Variants in MANBAL observed in about 807,000 individuals in gnomAD.
MANBAL encodes the protein protein MANBAL.
In MANBAL, 1 loss-of-function variant was observed where a neutral mutation model predicts 6.4. The ratio of observed to expected loss-of-function variants is 0.16; its 90% CI spans 0.06 to 0.74. MANBAL has a LOEUF of 0.74. Among genes scored for constraint, MANBAL ranks in the 30% least tolerant of loss-of-function variants. The pLI is 0.78. For synonymous variants in MANBAL, 47 were observed against 45.8 expected (o/e 1.03, Z -0.10); for missense variants, 100 against 107.8 (o/e 0.93, Z 0.32).
rs879309265 is a variant in MANBAL, at chr20:37,301,076, G to A, written c.-56-132G>A. The A allele has an allele frequency of 1.9e-5, 8 of 414,632 alleles. No individual in the cohort carries two copies. In the Admixed American group the frequency reaches 1.9e-4, roughly 10 times the overall value. 25.7% of individuals were successfully genotyped at this position (414,632 alleles called of 1,614,324 possible). Reference sequence around the variant, plus strand: ...GAGAATCACTTGAACCCAGGAGGCCGAAGTTGCAGTGATCATGCCATTGCA... The same window carrying A: ...GAGAATCACTTGAACCCAGGAGGCCAAAGTTGCAGTGATCATGCCATTGCA... On this transcript the variant is annotated intron_variant, in intron 1 of 2. Transcript: ENST00000373606.
intron 2 of MANBAL, 130 bp from the exon 3 acceptor site, chr20:37,316,178 G>A: frequency 1.2e-6 from 1 of 821,458 alleles, no homozygotes. Flanking sequence ...GTGGGTGGTA[G>A]GTCCCGGGAA....
rs1400390692 is a variant in MANBAL, at chr20:37,316,372, C to T, written c.215C>T (p.Ser72Phe). The T allele has an allele frequency of 1.9e-6, 3 of 1,613,812 alleles. No homozygotes were observed. In the African/African-American group the frequency reaches 4.0e-5, roughly 22 times the overall value. ...VTRKPKAAVPSVNKRPKKETK... is the reference protein window; with the variant it reads ...VTRKPKAAVPFVNKRPKKETK... Reference sequence around the variant, plus strand: ...AGGAAGCCCAAGGCTGCTGTTCCTTCTGTGAACAAGAGGCCCAAGAAAGAG... The same window carrying T: ...AGGAAGCCCAAGGCTGCTGTTCCTTTTGTGAACAAGAGGCCCAAGAAAGAG... The change falls in exon 3 of 3, where the codon TCT becomes TTT. Residue 72 changes from serine to phenylalanine, a missense_variant. Physicochemically the swap from Ser to Phe is radical, Grantham distance 155. Coordinates refer to ENST00000373606, the MANE Select transcript of MANBAL (RefSeq NM_001003897.2).
At chr20:37,297,655 T>A (rs1211334020) in intron 1 of MANBAL, 1 of 155,592 alleles carries the variant, frequency 6.4e-6, no homozygotes, top group Non-Finnish European at 1.4e-5. Flanking sequence ...CCTTTTTTTT[T>A]TTTTGAGATG....
At chr20:37,312,551 A>T (rs1370423984) in intron 2 of MANBAL, among the ~76,000 whole-genome samples, 1 of 152,210 alleles carries the variant, frequency 6.6e-6, no homozygotes, top group African/African-American at 2.4e-5. Context: ...ATTGGGCCTC[A>T]TTATGGCACT....
At chr20:37,297,055 C>T (rs2069013724) in intron 1 of MANBAL, 1 of 152,138 alleles carries the variant, frequency 6.6e-6, no homozygotes, top group African/African-American at 2.4e-5. Flanking sequence ...GGGCCAAGGG[C>T]GTTTTAAAAA....
At chr20:37,297,933 C>T (rs1055290578) in intron 1 of MANBAL, among the ~76,000 whole-genome samples, 19 of 152,206 alleles carry the variant, frequency 1.2e-4, no homozygotes, top group Non-Finnish European at 2.1e-4. Context: ...GCGTGAGCCA[C>T]TGCGCCCTGT....
intron 2 of MANBAL, among the ~76,000 whole-genome samples, chr20:37,312,354 A>G (rs1219884638): frequency 2.6e-5 from 4 of 152,134 alleles, no homozygotes; most frequent in Non-Finnish European, 5.9e-5. Context: ...GGGGGCTGCT[A>G]AGTAGAGAGT....
chr20:37,303,077 A>G (rs980588365), intron 2 of MANBAL, among the ~76,000 whole-genome samples: 8 of 152,154 alleles, frequency 5.3e-5, no homozygotes, highest in Non-Finnish European at 1.0e-4. Flanking sequence ...TGGCTGGCTA[A>G]TTTTTGTATT....
At chr20:37,299,620 A>G (rs77109756) in intron 1 of MANBAL, among the ~76,000 whole-genome samples, 3 of 152,310 alleles carry the variant, frequency 2.0e-5, no homozygotes, top group African/African-American at 7.2e-5. Context: ...GCCTGGTTCC[A>G]AAGTAAATTT....
chr20:37,291,589 T>C (rs2068871060), intron 1 of MANBAL, among the ~76,000 whole-genome samples: 1 of 152,206 alleles, frequency 6.6e-6, no homozygotes, highest in African/African-American at 2.4e-5. Flanking sequence ...TAATGGGTTT[T>C]TGGGGAGGAG....
At chr20:37,313,531 C>G (rs749173746) in intron 2 of MANBAL, among the ~76,000 whole-genome samples, 1 of 151,926 alleles carries the variant, frequency 6.6e-6, no homozygotes, top group African/African-American at 2.4e-5. Flanking sequence ...ATGATAAAAC[C>G]CCATCTCTAC....
intron 2 of MANBAL, among the ~76,000 whole-genome samples, chr20:37,312,713 A>T (rs1035263254): frequency 1.3e-5 from 2 of 152,216 alleles, no homozygotes; most frequent in Admixed American, 6.5e-5. Flanking sequence ...AGACACAGTC[A>T]TAGCGCACTA....
intron 1 of MANBAL, among the ~76,000 whole-genome samples, chr20:37,294,473 C>T (rs574271400): frequency 3.3e-5 from 5 of 152,338 alleles, no homozygotes; most frequent in South Asian, 4.1e-4. Flanking sequence ...TGCTAAGAAC[C>T]TTCCAGTAGT....
At chr20:37,301,512 A>G in intron 2 of MANBAL, 99 bp downstream of exon 2, 2 of 1,316,120 alleles carry the variant, frequency 1.5e-6, no homozygotes, top group Non-Finnish European at 2.0e-6. Context: ...CAGGGTCTAC[A>G]TTGGGCCTTT....
chr20:37,294,130 C>G (rs2068938239), intron 1 of MANBAL, among the ~76,000 whole-genome samples: 1 of 152,212 alleles, frequency 6.6e-6, no homozygotes. Context: ...AAACTTTACT[C>G]TTTGTGCTGT....
rs545337537 is a variant in MANBAL at position 37,304,543 on chromosome 20, AAGAT to A, written c.150+3133_150+3136del. Among the ~76,000 whole-genome samples, 360 of 152,340 alleles carry A rather than the reference AAGAT, an allele frequency of 2.4e-3. 3 individuals carry two copies. The highest frequency in any genetic ancestry group is 8.3e-3 in the African/African-American group (346 of 41,574). Reference sequence around the variant, plus strand: ...TTATATTCCCCCCTTCATTAAATAAAAGATAGCATACTATTAAACACAGTTTTGC... The same window carrying A: ...TTATATTCCCCCCTTCATTAAATAAAAGCATACTATTAAACACAGTTTTGC... On this transcript the variant is annotated intron_variant, in intron 2 of 2. Transcript: ENST00000373606.
chr20:37,315,820 C>T (rs1335625278), intron 2 of MANBAL, among the ~76,000 whole-genome samples: 2 of 152,276 alleles, frequency 1.3e-5, no homozygotes, highest in Non-Finnish European at 2.9e-5. Flanking sequence ...GAGGGCAAGC[C>T]ACAGTGGGTC....
At chr20:37,290,603 CGT>C (rs1329350139) in intron 1 of MANBAL, among the ~76,000 whole-genome samples, 1 of 152,104 alleles carries the variant, frequency 6.6e-6, no homozygotes, top group Non-Finnish European at 1.5e-5. Context: ...GGATTACAGA[CGT>C]GTGCCACCAC....
At chr20:37,313,239 C>T (rs532966036) in intron 2 of MANBAL, among the ~76,000 whole-genome samples, 12 of 151,956 alleles carry the variant, frequency 7.9e-5, no homozygotes, top group Non-Finnish European at 1.2e-4. Context: ...TAGCCAGTAG[C>T]GGGTGCCTGT....
Sources: gnomAD v4.1 joint callset for allele counts (sites outside exome capture counted in the v4.1 genomes callset) on GRCh38, gnomAD v4.1.1 for gene constraint, MANE v1.5 for transcripts, NCBI Gene and HGNC (gene_info 2026-07-23, HGNC 2026-07-21) for gene names.